The following GSK3B variants were observed in gnomAD, a reference collection of about 807,000 sequenced individuals.
The protein encoded by GSK3B is glycogen synthase kinase-3 beta.
Under a neutral mutation model 56.4 loss-of-function variants are expected in GSK3B, and 15 were observed. The ratio of observed to expected loss-of-function variants is 0.27; its 90% CI spans 0.18 to 0.41. The LOEUF (loss-of-function observed/expected upper bound fraction) is 0.41, where lower values mean the gene tolerates loss of function less well. GSK3B is among the 10% of genes least tolerant of loss of function. The pLI, the probability that GSK3B is intolerant of heterozygous loss-of-function variation, is 1.00. For missense variants in GSK3B, 300 were observed against 513.4 expected (o/e 0.58, Z 4.02); for synonymous variants, 181 against 188.9 (o/e 0.96, Z 0.34).
intron 2 of GSK3B, among the ~76,000 whole-genome samples, chr3:119,970,542 C>A (rs1478660570): frequency 6.6e-6 from 1 of 150,674 alleles, no homozygotes; most frequent in Non-Finnish European, 1.5e-5. Context: ...GAGGCCAAGG[C>A]CGGTGGATCA....
At chr3:119,981,537 AT>A (rs941252776) in intron 2 of GSK3B, among the ~76,000 whole-genome samples, 1 of 152,236 alleles carries the variant, frequency 6.6e-6, no homozygotes, top group Non-Finnish European at 1.5e-5. Flanking sequence ...TGACAAGATG[AT>A]TCTCTCCCGT....
At chr3:119,930,574 T>C (rs1217949037) in intron 3 of GSK3B, among the ~76,000 whole-genome samples, 4 of 152,202 alleles carry the variant, frequency 2.6e-5, no homozygotes. Context: ...GCTGGTATGA[T>C]AGACCAAACC....
intron 7 of GSK3B, among the ~76,000 whole-genome samples, chr3:119,877,893 T>C (rs1360385918): frequency 6.6e-6 from 1 of 152,154 alleles, no homozygotes; most frequent in Non-Finnish European, 1.5e-5. Flanking sequence ...ATACCACATA[T>C]TACTCATCTT....
chr3:119,838,481 A>G (rs1359565587), intron 10 of GSK3B, among the ~76,000 whole-genome samples: 4 of 152,184 alleles, frequency 2.6e-5, no homozygotes, highest in African/African-American at 9.6e-5. Context: ...AACAGTTTAC[A>G]GTTTTGTATA....
chr3:119,869,439 A>C (rs2056226032), intron 8 of GSK3B, among the ~76,000 whole-genome samples: 1 of 152,162 alleles, frequency 6.6e-6, no homozygotes, highest in African/African-American at 2.4e-5. Flanking sequence ...TAGGATACAC[A>C]AACTGAATTC....
At chr3:119,850,188 G>A (rs1313555098) in intron 9 of GSK3B, among the ~76,000 whole-genome samples, 1 of 152,010 alleles carries the variant, frequency 6.6e-6, no homozygotes, top group Admixed American at 6.6e-5. Flanking sequence ...TTGGGATCTC[G>A]GAGGCTTTGC....
chr3:119,904,376 T>C (rs1464495092), intron 7 of GSK3B, among the ~76,000 whole-genome samples: 1 of 152,120 alleles, frequency 6.6e-6, no homozygotes, highest in African/African-American at 2.4e-5. Context: ...ATAGTTCTGT[T>C]AACAAGTGTA....
intron 3 of GSK3B, among the ~76,000 whole-genome samples, chr3:119,925,066 C>T (rs1024189005): frequency 2.4e-4 from 37 of 152,212 alleles, no homozygotes; most frequent in African/African-American, 8.4e-4. Context: ...TGGTGGCTTA[C>T]GCCTGTAATC....
chr3:120,003,046 G>A (rs895695108), intron 1 of GSK3B, among the ~76,000 whole-genome samples: 2 of 152,140 alleles, frequency 1.3e-5, no homozygotes, highest in Non-Finnish European at 2.9e-5. Flanking sequence ...CTTCTTTTTA[G>A]CAAAGTAGAA....
intron 5 of GSK3B, among the ~76,000 whole-genome samples, chr3:119,915,747 C>T (rs2056774391): frequency 6.6e-6 from 1 of 152,026 alleles, no homozygotes. Flanking sequence ...TAGCCATTTT[C>T]CTACTAATGG....
At chr3:120,016,805 A>T (rs186469102) in intron 1 of GSK3B, among the ~76,000 whole-genome samples, 1 of 152,202 alleles carries the variant, frequency 6.6e-6, no homozygotes, top group Non-Finnish European at 1.5e-5. Context: ...CTGAACTTAA[A>T]TATTATTTTA....
chr3:119,835,415 G>A (rs1007933443), intron 10 of GSK3B, among the ~76,000 whole-genome samples: 17 of 152,104 alleles, frequency 1.1e-4, no homozygotes, highest in African/African-American at 3.6e-4. Context: ...CCCCATCTTC[G>A]ACACAAACCA....
intron 4 of GSK3B, 37 bp downstream of exon 4, chr3:119,923,336 G>A (rs200437090): frequency 9.2e-7 from 1 of 1,091,636 alleles, no homozygotes; most frequent in Non-Finnish European, 1.4e-6. Context: ...CATAAAAAAT[G>A]TTTTCTAAAA....
At chr3:119,939,778 G>A (rs980035272) in intron 3 of GSK3B, among the ~76,000 whole-genome samples, 1 of 152,114 alleles carries the variant, frequency 6.6e-6, no homozygotes, top group African/African-American at 2.4e-5. Context: ...TTGATATATA[G>A]CAAGGATAAG....
At chr3:119,881,602 T>C (rs2056379939) in intron 7 of GSK3B, among the ~76,000 whole-genome samples, 1 of 152,234 alleles carries the variant, frequency 6.6e-6, no homozygotes, top group African/African-American at 2.4e-5. Flanking sequence ...GTACTAACTC[T>C]TGTGATGTCC....
intron 8 of GSK3B, among the ~76,000 whole-genome samples, chr3:119,869,046 T>C (rs1314631258): frequency 6.6e-6 from 1 of 151,634 alleles, no homozygotes; most frequent in Non-Finnish European, 1.5e-5. Flanking sequence ...TTTAAAATAT[T>C]CTCCCTATCT....
At chr3:120,030,778 T>C (rs1393454076) in intron 1 of GSK3B, among the ~76,000 whole-genome samples, 4 of 152,242 alleles carry the variant, frequency 2.6e-5, no homozygotes, top group African/African-American at 9.6e-5. Flanking sequence ...AACCAGTTCT[T>C]TTCCTTCAAA....
chr3:120,014,863 T>C (rs4688054), intron 1 of GSK3B, among the ~76,000 whole-genome samples: 36,832 of 151,978 alleles, frequency 0.24, 4,909 homozygotes, highest in East Asian at 0.48. Context: ...AAGGAAAACA[T>C]AGGGTGGCAG....
intron 3 of GSK3B, among the ~76,000 whole-genome samples, chr3:119,929,107 C>G (rs2056918230): frequency 6.6e-6 from 1 of 151,940 alleles, no homozygotes; most frequent in South Asian, 2.1e-4. Flanking sequence ...ATATGCAAAA[C>G]TAGGGGTAAC....
Sources: allele counts gnomAD v4.1 joint callset (sites outside exome capture counted in the v4.1 genomes callset), GRCh38; gene constraint gnomAD v4.1.1; transcripts MANE v1.5; gene names NCBI Gene and HGNC (gene_info 2026-07-23, HGNC 2026-07-21).